Variants in ANK2 observed in about 807,000 individuals in gnomAD.
ANK2 encodes the protein ankyrin 2.
ANK2 carries 83 observed loss-of-function variants against 360.5 expected under a neutral mutation model. That is an observed-to-expected ratio of 0.23 (90% confidence interval 0.19 to 0.28). ANK2 has a LOEUF of 0.28. Among genes scored for constraint, ANK2 ranks in the 10% least tolerant of loss-of-function variants. The probability of loss-of-function intolerance (pLI) is 1.00; values close to 1 mark genes in which losing one functional copy is unlikely to be tolerated. For synonymous variants in ANK2, 1,740 were observed against 1,759.5 expected, an observed-to-expected ratio of 0.99 and a Z score of 0.28; for missense variants, 4,201 against 4,795.7, an observed-to-expected ratio of 0.88 and a Z score of 3.66.
intron 21 of ANK2, chr4:113,293,072 C>T (rs1007486003): frequency 2.7e-6 from 1 of 376,520 alleles, no homozygotes; most frequent in Non-Finnish European, 5.1e-6. Context: ...GATGGCCTGA[C>T]TTCTGATGAG....
At chr4:113,105,933 A>T (rs2093576017) in intron 1 of ANK2, among the ~76,000 whole-genome samples, 1 of 152,218 alleles carries the variant, frequency 6.6e-6, no homozygotes, top group Non-Finnish European at 1.5e-5. Context: ...CCTTAACCCC[A>T]TTAGAGATTT....
chr4:112,726,999 T>C, the ANK2 span, among the ~76,000 whole-genome samples: 23 of 151,984 alleles, frequency 1.5e-4, no homozygotes, highest in Admixed American at 5.2e-4. Flanking sequence ...TATGTATCCA[T>C]AGCTTACTAT....
the ANK2 span, among the ~76,000 whole-genome samples, chr4:112,787,152 TA>T: frequency 2.0e-5 from 3 of 152,230 alleles, no homozygotes; most frequent in African/African-American, 4.8e-5. Flanking sequence ...TAAATTTTGT[TA>T]AATATGCAAT....
chr4:112,758,553 G>C, the ANK2 span, among the ~76,000 whole-genome samples: 1 of 152,026 alleles, frequency 6.6e-6, no homozygotes, highest in African/African-American at 2.4e-5. Context: ...TGGGATTACA[G>C]GCGAGCAGGC....
intron 2 of ANK2, among the ~76,000 whole-genome samples, chr4:113,193,436 G>T (rs1231764163): frequency 6.6e-6 from 1 of 152,126 alleles, no homozygotes; most frequent in African/African-American, 2.4e-5. Context: ...AAGTACCCTT[G>T]GTTTAGAGAA....
chr4:113,339,356 A>C (rs2093979355), intron 32 of ANK2, 34 bp downstream of exon 32: 1 of 1,556,572 alleles, frequency 6.4e-7, no homozygotes, highest in South Asian at 1.1e-5. Context: ...GCCCACTATG[A>C]TATGTTACCC....
At chr4:112,822,484 C>T (rs929095531) in intron 1 of ANK2, among the ~76,000 whole-genome samples, 1 of 151,030 alleles carries the variant, frequency 6.6e-6, no homozygotes, top group African/African-American at 2.4e-5. Context: ...GTAGCTCATG[C>T]CTGTAAATTC....
At chr4:112,711,826 AT>A in the ANK2 span, among the ~76,000 whole-genome samples, 2,065 of 151,250 alleles carry the variant, frequency 0.014, 37 homozygotes, top group East Asian at 0.052. Flanking sequence ...TCTCAAAAAA[AT>A]AAAATAAAAT....
intron 2 of ANK2, among the ~76,000 whole-genome samples, chr4:112,958,278 C>G (rs1245986589): frequency 6.6e-6 from 1 of 152,224 alleles, no homozygotes; most frequent in East Asian, 1.9e-4. Flanking sequence ...GCCGAGATCA[C>G]GCCATTGCAC....
At chr4:113,024,766 T>C (rs186180357) in intron 2 of ANK2, among the ~76,000 whole-genome samples, 42 of 152,304 alleles carry the variant, frequency 2.8e-4, no homozygotes, top group Admixed American at 5.9e-4. Flanking sequence ...CGCTAGAAGA[T>C]AACACAATTT....
At chr4:113,209,445 T>C (rs1028574756) in intron 4 of ANK2, among the ~76,000 whole-genome samples, 10 of 151,940 alleles carry the variant, frequency 6.6e-5, no homozygotes, top group Admixed American at 3.3e-4. Flanking sequence ...CTTCTTTTTG[T>C]AGGCCCTCTG....
chr4:113,287,669 C>T lies in ANK2; in HGVS notation c.2144C>T (p.Thr715Ile), dbSNP rs199681788. ...EDKVNVADIL[T>I]KHGADQDAHT... ...AAAGTGAATGTTGCTGATATTCTCA[C>T]CAAGCATGGAGCTGATCAGGATGCT... is the stretch of plus-strand genomic sequence containing the variant. The change falls in exon 19 of 46, where the codon ACC (threonine) becomes ATC (isoleucine). Residue 715 changes from threonine to isoleucine, a missense_variant. Thr to Ile is a moderately conservative substitution (Grantham distance 89). Around this residue, in one of 4 missense-constraint regions of ANK2, gnomAD observed 1,268 missense variants for 1,650.8 expected, o/e 0.77. Coordinates refer to ENST00000357077, the MANE Select transcript of ANK2 (RefSeq NM_001148.6). The T allele has an allele frequency of 7.8e-5, 126 of 1,613,296 alleles. No individual in the cohort carries two copies. Among genetic ancestry groups the T allele is most frequent in the Non-Finnish European group, 1.0e-4 (119 of 1,179,316 alleles).
chr4:112,879,221 G>A (rs932137552), intron 1 of ANK2, among the ~76,000 whole-genome samples: 1 of 152,130 alleles, frequency 6.6e-6, no homozygotes, highest in African/African-American at 2.4e-5. Context: ...ATTGAGTGGG[G>A]ATCACTTGTG....
chr4:113,166,439 A>G (rs1175975755), intron 1 of ANK2, among the ~76,000 whole-genome samples: 1 of 152,048 alleles, frequency 6.6e-6, no homozygotes, highest in Non-Finnish European at 1.5e-5. Flanking sequence ...GTGTGTATGT[A>G]TATATGTATA....
intron 4 of ANK2, among the ~76,000 whole-genome samples, chr4:113,219,153 A>G (rs362481): frequency 6.6e-6 from 1 of 152,126 alleles, no homozygotes; most frequent in Admixed American, 6.5e-5. Flanking sequence ...ATTATACTAC[A>G]TACTGAAGAT....
chr4:113,038,611 G>A (rs1333434476), intron 2 of ANK2, among the ~76,000 whole-genome samples: 1 of 151,908 alleles, frequency 6.6e-6, no homozygotes, highest in Admixed American at 6.6e-5. Flanking sequence ...CCCTCAACAA[G>A]AGGTGGCGTC....
At chr4:113,277,711 A>T in intron 15 of ANK2, 126 bp from the exon 16 acceptor site, 1 of 727,572 alleles carries the variant, frequency 1.4e-6, no homozygotes, top group Non-Finnish European at 2.4e-6. Context: ...TAACAGATTT[A>T]ATGCTACCAG....
intron 4 of ANK2, among the ~76,000 whole-genome samples, chr4:113,223,787 A>G (rs2099180843): frequency 6.6e-6 from 1 of 152,192 alleles, no homozygotes; most frequent in South Asian, 2.1e-4. Flanking sequence ...TTAAAACAGC[A>G]ATAAATATTA....
At chr4:113,048,150 A>T (rs1312124396), upstream of ANK2, among the ~76,000 whole-genome samples, 16 of 148,616 alleles carry the variant, frequency 1.1e-4, no homozygotes. Context: ...TGTGTATTAT[A>T]CTTTACGTTC....
Sources: gnomAD v4.1 joint callset for allele counts (sites outside exome capture counted in the v4.1 genomes callset) on GRCh38, gnomAD v4.1.1 for gene constraint, gnomAD v4.1.1 regional missense constraint, MANE v1.5 for transcripts, NCBI Gene and HGNC (gene_info 2026-07-23, HGNC 2026-07-21) for gene names.